Variants in PDE6B observed in about 807,000 individuals in gnomAD.
PDE6B encodes rod cGMP-specific 3',5'-cyclic phosphodiesterase subunit beta.
PDE6B carries 106 observed loss-of-function variants against 109.0 expected under a neutral mutation model. The observed-to-expected ratio is 0.97, with a 90% CI of 0.83 to 1.14. The LOEUF (loss-of-function observed/expected upper bound fraction) is 1.14, where lower values mean the gene tolerates loss of function less well. Among genes scored for constraint, PDE6B ranks in the 50% most tolerant of loss-of-function variants. PDE6B has a pLI of 0.00. For missense variants in PDE6B, 1,193 were observed against 1,155.6 expected, an observed-to-expected ratio of 1.03 and a Z score of -0.47; for synonymous variants, 490 against 471.3, an observed-to-expected ratio of 1.04 and a Z score of -0.51.
intron 20 of PDE6B, among the ~76,000 whole-genome samples, chr4:667,478 T>C (rs1737928093): frequency 6.6e-6 from 1 of 152,192 alleles, no homozygotes; most frequent in South Asian, 2.1e-4. Flanking sequence ...TGTGCTTGCA[T>C]GATGTGTGCC....
In PDE6B at chr4:666,355, G is replaced by A. The variant is rs550016394; in HGVS notation, c.2269-176G>A. Among the ~76,000 whole-genome samples, 46 of 152,256 alleles carry A rather than the reference G, an allele frequency of 3.0e-4. No individual in the cohort carries two copies. In the East Asian group the frequency reaches 5.6e-3, roughly 19 times the overall value. ...CACAGTTCCTAGGAGCTGTGGAGCC[G>A]CTGGCCAAGGGAGAGGGTGTCAGCT... On this transcript the variant is annotated intron_variant, in intron 19 of 21. Coordinates refer to ENST00000496514, the MANE Select transcript of PDE6B (RefSeq NM_000283.4). The surrounding 1 kb of genome is among the most constrained non-coding windows in gnomAD (Gnocchi z 5.6).
At chr4:661,466 A>C (rs1737093835) in intron 12 of PDE6B, 2 of 152,134 alleles carry the variant, frequency 1.3e-5, no homozygotes, top group Admixed American at 1.3e-4. Context: ...CCTGCTTCCA[A>C]CATCTCAAGG....
rs554239292 is a variant in PDE6B at position 646,722 on chromosome 4, G to T, written c.712-7130G>T. Among the ~76,000 whole-genome samples the T allele has an allele frequency of 5.3e-5, 8 of 152,102 alleles. No homozygotes were observed. In the South Asian group the frequency reaches 1.5e-3, roughly 28 times the overall value. On this transcript the variant is annotated intron_variant, in intron 3 of 21. Coordinates refer to ENST00000496514, the MANE Select transcript of PDE6B (RefSeq NM_000283.4). ...CTCCGGCCGGGCGGCGGCGCACTGC[G>T]TTTCCACCTCGCATTTCCTGTACTC...
intron 10 of PDE6B, among the ~76,000 whole-genome samples, chr4:658,614 G>A (rs993260606): frequency 1.4e-4 from 22 of 152,224 alleles, no homozygotes; most frequent in African/African-American, 5.3e-4. Flanking sequence ...ATGCCCCCGA[G>A]GTCCCTCTGT....
intron 3 of PDE6B, among the ~76,000 whole-genome samples, chr4:643,895 T>C (rs900844965): frequency 4.0e-5 from 6 of 151,254 alleles, no homozygotes; most frequent in Non-Finnish European, 7.4e-5. Context: ...GTTGTATATT[T>C]TTATTCTTAT....
intron 1 of PDE6B, among the ~76,000 whole-genome samples, chr4:627,366 G>A (rs1316276983): frequency 6.6e-6 from 1 of 152,074 alleles, no homozygotes; most frequent in African/African-American, 2.4e-5. Flanking sequence ...GGCTGTTCTC[G>A]AACTCCTGAC....
chr4:663,975 C>A lies in PDE6B; in HGVS notation c.2021+105C>A. ...CGGCACAGCCCGGGGGACGCAGCCC[C>A]GGATTCCGTCCCTGCCCGCCGGCCC... On this transcript the variant is annotated intron_variant, in intron 16 of 21. Transcript: ENST00000496514. The surrounding 1 kb of genome is among the most constrained non-coding windows in gnomAD (Gnocchi z 4.0). 1 of 1,100,462 alleles carries A rather than the reference C, an allele frequency of 9.1e-7. No individual in the cohort carries two copies. Among genetic ancestry groups the A allele is most frequent in the Non-Finnish European group, 1.4e-6 (1 of 738,136 alleles). 68.2% of individuals were successfully genotyped at this position (1,100,462 alleles called of 1,614,324 possible). A position where few individuals can be genotyped will look rare whatever the true frequency, so the allele number is the denominator to read the frequency against.
rs781674711 is a variant in PDE6B at position 670,213 on chromosome 4, G to C, written c.*106G>C. 1 of 1,513,410 alleles carries C rather than the reference G, an allele frequency of 6.6e-7. No homozygotes were observed. Among genetic ancestry groups the C allele is most frequent in the South Asian group, 1.1e-5 (1 of 87,192 alleles). 93.7% of individuals were successfully genotyped at this position (1,513,410 alleles called of 1,614,324 possible). A position where few individuals can be genotyped will look rare whatever the true frequency, so the allele number is the denominator to read the frequency against. ...AAGAGGTTAGGAAGCCCAAGAAAAT[G>C]ACTGAAGATCATTCTGGATATTTTA... On this transcript the variant is annotated 3_prime_UTR_variant, in exon 22 of 22. Coordinates refer to ENST00000496514, the MANE Select transcript of PDE6B (RefSeq NM_000283.4).
chr4:635,870 C>T lies in PDE6B; in HGVS notation c.622-10C>T. 7.1e-7 allele frequency: 1 copy of T among 1,411,166 alleles called. No homozygotes were observed. Among genetic ancestry groups the T allele is most frequent in the South Asian group, 1.1e-5 (1 of 86,990 alleles). The allele number at this position is 1,411,166 out of a possible 1,614,324, so 87.4% of individuals were successfully genotyped here. A position where few individuals can be genotyped will look rare whatever the true frequency, so the allele number is the denominator to read the frequency against. On this transcript the variant is annotated splice_polypyrimidine_tract_variant and intron_variant, in intron 2 of 21. Coordinates refer to ENST00000496514, the MANE Select transcript of PDE6B (RefSeq NM_000283.4). ...AATTTTAATTCCTCTTGTTGCAATT[C>T]CTGTTTCAGGTGTTCTTGAAGTACC...
At position 657,423 on chromosome 4, in the gene PDE6B, C is replaced by T. The variant is rs189094454; in HGVS notation, c.1330C>T (p.Arg444Cys). ...CGACAAGATGAACAAGCTGGAGAAC[C>T]GCAAGGACATCGCACAGGACATGGT... The part of the protein sequence containing the change: ...TYDKMNKLEN[R>C]KDIAQDMVLY... The change falls in exon 10 of 22, where the codon CGC becomes TGC. Residue 444 changes from arginine (R) to cysteine (C), a missense_variant. Transcript: ENST00000496514. 29 of 1,613,066 alleles carry T rather than the reference C, an allele frequency of 1.8e-5. No homozygotes were observed. The highest frequency in any genetic ancestry group is 2.2e-5 in the East Asian group (1 of 44,886).
rs1428553094 is a variant in PDE6B at position 633,224 on chromosome 4, TCAGGG to T, written c.469-1451_469-1447del. 3.3e-5 allele frequency among the ~76,000 whole-genome samples: 5 copies of T among 152,052 alleles called. No homozygotes were observed. Among genetic ancestry groups the T allele is most frequent in the Non-Finnish European group, 7.4e-5 (5 of 67,984 alleles). ...TGCAGGTGGTGAGATGAGCCCTCCC[TCAGGG>T]CCCATCCCTGTTTCAGATCCAATAA... On this transcript the variant is annotated intron_variant, in intron 1 of 21. Coordinates refer to ENST00000496514, the MANE Select transcript of PDE6B (RefSeq NM_000283.4). This position sits in a 1 kb window ranked among gnomAD's most constrained non-coding sequence, Gnocchi z 4.5.
intron 17 of PDE6B, 103 bp downstream of exon 17, chr4:664,324 G>T: frequency 1.3e-6 from 1 of 749,660 alleles, no homozygotes. Flanking sequence ...CTCTGGAGCA[G>T]GAAGAGCCCG....
chr4:665,252 C>G lies in PDE6B; in HGVS notation c.2194-3C>G. On this transcript the variant is annotated splice_polypyrimidine_tract_variant and splice_region_variant and intron_variant, in intron 18 of 21. Coordinates refer to ENST00000496514, the MANE Select transcript of PDE6B (RefSeq NM_000283.4). The surrounding 1 kb of genome is among the most constrained non-coding windows in gnomAD (Gnocchi z 4.0). ...ACAGACAGCTGCCTTCCTGTGCCTC[C>G]AGGTCGCACTTCTCGTGGCTGCTGA... 1 of 1,609,764 alleles carries G rather than the reference C, an allele frequency of 6.2e-7. No individual in the cohort carries two copies. Among genetic ancestry groups the G allele is most frequent in the Non-Finnish European group, 8.5e-7 (1 of 1,176,834 alleles).
intron 1 of PDE6B, among the ~76,000 whole-genome samples, chr4:628,742 G>A (rs1443138342): frequency 2.6e-5 from 4 of 152,198 alleles, no homozygotes; most frequent in Admixed American, 2.0e-4. Flanking sequence ...GGCTGCCCAG[G>A]GCTCACACTC....
chr4:665,283 G>C lies in PDE6B; in HGVS notation c.2222G>C (p.Trp741Ser). ...KVALLVAAEF[W>S]EQGDLERTVL... ...GCACTTCTCGTGGCTGCTGAGTTCT[G>C]GGAGCAAGGTGACTTGGAAAGGACA... Residue 741 changes from tryptophan (W) to serine (S), a missense_variant, in exon 19 of 22, where the codon TGG becomes TCG. Trp to Ser is a radical substitution (Grantham distance 177, BLOSUM62 -3). Coordinates refer to ENST00000496514, the MANE Select transcript of PDE6B (RefSeq NM_000283.4). This position sits in a 1 kb window ranked among gnomAD's most constrained non-coding sequence, Gnocchi z 4.0. 2 of 1,612,800 alleles carry C rather than the reference G, an allele frequency of 1.2e-6. No homozygotes were observed. The highest frequency in any genetic ancestry group is 2.2e-5 in the East Asian group (1 of 44,886).
chr4:643,497 T>C (rs1735041812), intron 3 of PDE6B, among the ~76,000 whole-genome samples: 1 of 152,142 alleles, frequency 6.6e-6, no homozygotes, highest in African/African-American at 2.4e-5. Context: ...ATAACATCTT[T>C]CCTAAATGTT....
In PDE6B at chr4:660,527, G is replaced by C. The variant is rs976686132; in HGVS notation, c.1528G>C (p.Glu510Gln). Residue 510 changes from glutamate (E) to glutamine (Q), a missense_variant, in exon 12 of 22, where the codon GAG becomes CAG. Transcript: ENST00000496514. ...CTACGAATTCCACTTCTCTGACCTGGAGTGCACCGAACTGGACCTGGTCAA... is the reference window on the plus strand; with the variant it reads ...CTACGAATTCCACTTCTCTGACCTGCAGTGCACCGAACTGGACCTGGTCAA... ...DIYEFHFSDL[E>Q]CTELDLVKCG... The C allele has an allele frequency of 6.2e-6, 10 of 1,613,700 alleles. No individual in the cohort carries two copies. The highest frequency in any genetic ancestry group is 8.5e-6 in the Non-Finnish European group (10 of 1,179,726).
chr4:668,458 TGCTGC>T (rs2109286598), intron 21 of PDE6B, among the ~76,000 whole-genome samples: 1 of 137,982 alleles, frequency 7.2e-6, no homozygotes, highest in East Asian at 2.3e-4. Flanking sequence ...CACTACCCCA[TGCTGC>T]TCCCACTACC....
chr4:653,354 A>C, intron 3 of PDE6B: 1 of 1,084,354 alleles, frequency 9.2e-7, no homozygotes. Context: ...CTGACCCAGC[A>C]ACCAGGGGCC....
Sources: allele counts gnomAD v4.1 joint callset (sites outside exome capture counted in the v4.1 genomes callset), GRCh38; gene constraint gnomAD v4.1.1; non-coding constraint Gnocchi (gnomAD v3.1); transcripts MANE v1.5; gene names NCBI Gene and HGNC (gene_info 2026-07-23, HGNC 2026-07-21).